Variants in LAMA1 observed in about 807,000 individuals in gnomAD.
LAMA1 encodes the protein laminin subunit alpha 1, also known as laminin subunit alpha-1.
In LAMA1, 219 loss-of-function variants were observed where a neutral mutation model predicts 348.7. The ratio of observed to expected loss-of-function variants is 0.63; its 90% CI spans 0.56 to 0.70. LAMA1 has a LOEUF of 0.70. Among genes scored for constraint, LAMA1 ranks in the 30% least tolerant of loss-of-function variants. The pLI is 0.00. For missense variants in LAMA1, 3,744 were observed against 3,888.0 expected (o/e 0.96, Z 0.99); for synonymous variants, 1,487 against 1,491.0 (o/e 1.00, Z 0.06).
chr18:6,967,492 A>C (rs2144020744), intron 48 of LAMA1, among the ~76,000 whole-genome samples: 1 of 152,034 alleles, frequency 6.6e-6, no homozygotes, highest in Non-Finnish European at 1.5e-5. Flanking sequence ...AACTCACCTA[A>C]CCTCTCTGTG....
At chr18:6,967,298 T>C (rs1273734818) in intron 48 of LAMA1, among the ~76,000 whole-genome samples, 1 of 152,262 alleles carries the variant, frequency 6.6e-6, no homozygotes, top group Non-Finnish European at 1.5e-5. Context: ...AAATGCACTC[T>C]AGATAAATTC....
chr18:7,014,212 A>G (rs2057874908), intron 22 of LAMA1, among the ~76,000 whole-genome samples, 161 bp from the exon 23 acceptor site: 1 of 152,240 alleles, frequency 6.6e-6, no homozygotes, highest in Non-Finnish European at 1.5e-5. Context: ...ATGTGCCAAC[A>G]GGAGACAGGC....
At chr18:7,043,926 C>T (rs973108317) in intron 7 of LAMA1, among the ~76,000 whole-genome samples, 4 of 152,182 alleles carry the variant, frequency 2.6e-5, no homozygotes, top group Admixed American at 1.3e-4. Context: ...GAGGCCGAGG[C>T]GGGCGGATCA....
At chr18:7,072,224 G>T (rs898961) in intron 3 of LAMA1, among the ~76,000 whole-genome samples, 21,521 of 152,132 alleles carry the variant, frequency 0.14, 5,050 homozygotes, top group African/African-American at 0.49. Context: ...ATTAAGGCCT[G>T]GTTTAACATT....
At chr18:7,091,239 AAC>A (rs1349527458) in intron 1 of LAMA1, among the ~76,000 whole-genome samples, 1 of 152,256 alleles carries the variant, frequency 6.6e-6, no homozygotes, top group African/African-American at 2.4e-5. Context: ...ACTTACGCAA[AAC>A]ACAATAGCAC....
At chr18:6,988,808 TAAAA>T (rs1169877701) in intron 36 of LAMA1, among the ~76,000 whole-genome samples, 2 of 100,474 alleles carry the variant, frequency 2.0e-5, no homozygotes, top group Admixed American at 1.2e-4. Context: ...TCCGTCTCAA[TAAAA>T]AAAAAAAAAA....
At chr18:7,072,290 A>G (rs1481248246) in intron 3 of LAMA1, among the ~76,000 whole-genome samples, 2 of 152,208 alleles carry the variant, frequency 1.3e-5, no homozygotes, top group Non-Finnish European at 1.5e-5. Flanking sequence ...TGTATTAGAA[A>G]TATGACAGAG....
chr18:7,002,203 A>T, intron 30 of LAMA1, 61 bp downstream of exon 30: 1 of 1,597,554 alleles, frequency 6.3e-7, no homozygotes, highest in South Asian at 1.1e-5. Context: ...CTTGAAAATG[A>T]GGCTGAACTG....
rs1188403743 is a variant in LAMA1 at position 6,947,242 on chromosome 18, G to C, written c.8765C>G (p.Thr2922Ser). The C allele has an allele frequency of 1.4e-5, 23 of 1,614,028 alleles. No homozygotes were observed. Among genetic ancestry groups the C allele is most frequent in the Non-Finnish European group, 1.9e-5 (22 of 1,180,046 alleles). The part of the protein sequence containing the change: ...SDVNITLEFR[T>S]SSQNGVLLGI... ...CAGGAGGACGCCATTCTGCGAGGAG[G>C]TTCGAAACTCCAGTGTGATGTTCAC... The change falls in exon 61 of 63, where the codon ACC (threonine) becomes AGC (serine). Residue 2922 changes from threonine to serine, a missense_variant. Coordinates refer to ENST00000389658, the MANE Select transcript of LAMA1 (RefSeq NM_005559.4).
intron 14 of LAMA1, 55 bp downstream of exon 14, chr18:7,034,424 A>G: frequency 1.5e-6 from 2 of 1,291,998 alleles, no homozygotes; most frequent in South Asian, 2.4e-5. Context: ...TGAATAAACA[A>G]ACATAAAATG....
chr18:6,978,629 G>A (rs921496421), intron 42 of LAMA1, among the ~76,000 whole-genome samples: 1 of 152,104 alleles, frequency 6.6e-6, no homozygotes, highest in Non-Finnish European at 1.5e-5. Context: ...AGGGACAAAT[G>A]AAATAATTTT....
chr18:6,986,217 G>A lies in LAMA1; in HGVS notation c.5299C>T (p.Leu1767Phe). 1.2e-6 allele frequency: 2 copies of A among 1,614,194 alleles called. No individual in the cohort carries two copies. Among genetic ancestry groups the A allele is most frequent in the South Asian group, 1.1e-5 (1 of 91,080 alleles). The change falls in exon 37 of 63, where the codon CTC becomes TTC. Residue 1767 changes from leucine (L) to phenylalanine (F), a missense_variant. Coordinates refer to ENST00000389658, the MANE Select transcript of LAMA1 (RefSeq NM_005559.4). Reference protein sequence around the residue: ...HNNELKAAEALVREAEAKMQE... With the variant: ...HNNELKAAEAFVREAEAKMQE... Reference sequence around the variant, plus strand: ...ATCTTTGCCTCAGCTTCCCTCACGAGCGCCTCAGCCGCCTTTAGTTCATTG... The same window carrying A: ...ATCTTTGCCTCAGCTTCCCTCACGAACGCCTCAGCCGCCTTTAGTTCATTG...
chr18:7,002,168 A>G (rs2057810472), intron 30 of LAMA1, 96 bp downstream of exon 30: 1 of 1,498,510 alleles, frequency 6.7e-7, no homozygotes, highest in African/African-American at 1.4e-5. Flanking sequence ...GAGAATATTC[A>G]TTAACAACAG....
chr18:7,018,109 G>A (rs1390237235), intron 19 of LAMA1, among the ~76,000 whole-genome samples: 1 of 151,976 alleles, frequency 6.6e-6, no homozygotes, highest in Non-Finnish European at 1.5e-5. Context: ...GACAAGGAAG[G>A]CGGATCACCT....
At chr18:7,041,365 C>T (rs963407015) in intron 9 of LAMA1, among the ~76,000 whole-genome samples, 2 of 145,378 alleles carry the variant, frequency 1.4e-5, no homozygotes, top group Non-Finnish European at 3.0e-5. Flanking sequence ...GTCACCACCA[C>T]TATCACCATC....
chr18:7,051,530 C>G (rs1314522859), intron 3 of LAMA1, among the ~76,000 whole-genome samples: 2 of 151,828 alleles, frequency 1.3e-5, no homozygotes, highest in African/African-American at 4.8e-5. Context: ...AGAATGAACT[C>G]AAAAAGTACT....
chr18:7,039,098 T>C, intron 10 of LAMA1, 148 bp from the exon 11 acceptor site: 1 of 733,148 alleles, frequency 1.4e-6, no homozygotes, highest in Non-Finnish European at 2.4e-6. Context: ...AAAGTCAATA[T>C]TTCCAGAATA....
intron 3 of LAMA1, among the ~76,000 whole-genome samples, chr18:7,077,067 C>T (rs895471855): frequency 5.3e-5 from 8 of 151,948 alleles, no homozygotes; most frequent in Non-Finnish European, 1.2e-4. Flanking sequence ...AATTTTTATA[C>T]TGTGTAAATG....
At chr18:6,972,552 A>T (rs1280478663) in intron 47 of LAMA1, among the ~76,000 whole-genome samples, 5 of 152,228 alleles carry the variant, frequency 3.3e-5, no homozygotes, top group Non-Finnish European at 7.3e-5. Context: ...CTTTTTCTCC[A>T]TTTATGCTAC....
Sources: gnomAD v4.1 joint callset for allele counts (sites outside exome capture counted in the v4.1 genomes callset) on GRCh38, gnomAD v4.1.1 for gene constraint, MANE v1.5 for transcripts, NCBI Gene and HGNC (gene_info 2026-07-23, HGNC 2026-07-21) for gene names.